Variants in ITIH1 observed in about 807,000 individuals in gnomAD.
ITIH1 encodes the protein inter-alpha-trypsin inhibitor heavy chain H1.
Under a neutral mutation model 104.6 loss-of-function variants are expected in ITIH1, and 94 were observed. The observed-to-expected ratio is 0.90, with a 90% CI of 0.76 to 1.07. ITIH1 has a LOEUF of 1.07. Ranked by LOEUF, ITIH1 falls within the 50% of genes least tolerant of loss-of-function variation. The pLI, the probability that ITIH1 is intolerant of heterozygous loss-of-function variation, is 0.00. For synonymous variants in ITIH1, 455 were observed against 464.4 expected, an observed-to-expected ratio of 0.98 and a Z score of 0.26; for missense variants, 1,193 against 1,181.4, an observed-to-expected ratio of 1.01 and a Z score of -0.14.
At chr3:52,786,156 C>A in intron 12 of ITIH1, 139 bp from the exon 13 acceptor site, 1 of 830,686 alleles carries the variant, frequency 1.2e-6, no homozygotes, top group Non-Finnish European at 1.9e-6. Context: ...TAGGATGAGG[C>A]GAACAGGCTC....
chr3:52,791,727 G>A, intron 21 of ITIH1, 55 bp from the exon 22 acceptor site: 1 of 1,606,148 alleles, frequency 6.2e-7, no homozygotes. Context: ...GCTTCCTGGG[G>A]AGGTGCTGCC....
Position 52,786,443 on chromosome 3 carries a change from C to T in ITIH1, c.1733+9C>T, listed in dbSNP as rs1234767372. 1 of 1,569,784 alleles carries T rather than the reference C, an allele frequency of 6.4e-7. No individual in the cohort carries two copies. The highest frequency in any genetic ancestry group is 1.8e-5 in the Admixed American group (1 of 54,136). ...GAGCTGCTGGCCAAGCGGTAGGGCA[C>T]CTGCAGCTGCCCCAGGTGGGCACTG... On this transcript the variant is annotated intron_variant, in intron 13 of 21. Transcript: ENST00000273283.
In ITIH1 at chr3:52,782,878, T is replaced by C. The variant is rs1699099341; in HGVS notation, c.931-79T>C. On this transcript the variant is annotated intron_variant, in intron 8 of 21. Transcript: ENST00000273283. ...TTGTCCACCCTGTGGATCTCTGAAATGGGTATTTGGAGTTGGAAGGTGCTG... is the reference window on the plus strand; with the variant it reads ...TTGTCCACCCTGTGGATCTCTGAAACGGGTATTTGGAGTTGGAAGGTGCTG... 4 of 1,366,008 alleles carry C rather than the reference T, an allele frequency of 2.9e-6. No individual in the cohort carries two copies. The South Asian group carries it at 5.1e-5, about 17-fold the overall frequency. The allele number at this position is 1,366,008 out of a possible 1,614,324, so 84.6% of individuals were successfully genotyped here.
intron 3 of ITIH1, 171 bp from the exon 4 acceptor site, chr3:52,778,771 C>A: frequency 8.4e-7 from 1 of 1,190,906 alleles, no homozygotes; most frequent in Non-Finnish European, 1.2e-6. Context: ...TCTTGCTGGC[C>A]TCTGACCTGG....
Position 52,779,633 on chromosome 3 carries a change from C to G in ITIH1, c.573+39C>G. 4 of 1,608,678 alleles carry G rather than the reference C, an allele frequency of 2.5e-6. No homozygotes were observed. Among genetic ancestry groups the G allele is most frequent in the Non-Finnish European group, 2.6e-6 (3 of 1,175,284 alleles). ...CCCGGGGCAGGGGTCCTGCCCCTCT[C>G]TCCGTCACCATGGCTCCCAACACTG... On this transcript the variant is annotated intron_variant, in intron 5 of 21. Transcript: ENST00000273283. This position sits in a 1 kb window ranked among gnomAD's most constrained non-coding sequence, Gnocchi z 4.4.
At chr3:52,790,159 C>T (rs556451350) in intron 19 of ITIH1, 91 of 459,104 alleles carry the variant, frequency 2.0e-4, no homozygotes, top group African/African-American at 1.7e-3. Context: ...ACCTCTTCCC[C>T]TCAGCCCTCC....
rs1479439920 is a variant in ITIH1, at chr3:52,791,827, G to A, written c.2652G>A (p.Glu884=). The A allele has an allele frequency of 2.5e-6, 4 of 1,614,198 alleles. No homozygotes were observed. The highest frequency in any genetic ancestry group is 1.7e-5 in the Admixed American group (1 of 60,026). The change falls in exon 22 of 22, where the codon GAG becomes GAA. Residue 884 remains glutamate, a synonymous_variant. Coordinates refer to ENST00000273283, the MANE Select transcript of ITIH1 (RefSeq NM_002215.4). ...DYSKDPWHGA[E]VSCWFIHNNG... ...GCAAGGACCCGTGGCATGGGGCCGA[G>A]GTGTCCTGCTGGTTCATTCACAACA...
chr3:52,778,704 C>T lies in ITIH1; in HGVS notation c.305+198C>T, dbSNP rs1578727468. ...CTCCCATCTTGGAGGCAAACTGGGA[C>T]CCATCACAGCATGTTTCAGGCTAGA... On this transcript the variant is annotated intron_variant, in intron 3 of 21. Transcript: ENST00000273283. 3.5e-6 allele frequency: 5 copies of T among 1,424,150 alleles called. No individual in the cohort carries two copies. The East Asian group carries it at 7.5e-5, about 21-fold the overall frequency. 88.2% of individuals were successfully genotyped at this position (1,424,150 alleles called of 1,614,324 possible). A position where few individuals can be genotyped will look rare whatever the true frequency, so the allele number is the denominator to read the frequency against.
In ITIH1 at chr3:52,779,507, G is replaced by C. The variant is rs1012541673; in HGVS notation, c.486G>C (p.Leu162=). 6.2e-7 allele frequency: 1 copy of C among 1,614,106 alleles called. No individual in the cohort carries two copies. Among genetic ancestry groups the C allele is most frequent in the Non-Finnish European group, 8.5e-7 (1 of 1,180,038 alleles). Residue 162 remains leucine (L), a synonymous_variant, in exon 5 of 22, where the codon CTG becomes CTC. Coordinates refer to ENST00000273283, the MANE Select transcript of ITIH1 (RefSeq NM_002215.4). The surrounding 1 kb of genome is among the most constrained non-coding windows in gnomAD (Gnocchi z 4.4). Reference sequence around the variant, plus strand: ...CCCAGAGCAAGGTCACGTTTCAGCTGACTTATGAGGAAGTGCTGAAGAGAA... The same window carrying C: ...CCCAGAGCAAGGTCACGTTTCAGCTCACTTATGAGGAAGTGCTGAAGAGAA... ...VNPQSKVTFQ[L]TYEEVLKRNH... is the part of the protein sequence containing the mutation.
rs1001720501 is a variant in ITIH1, at chr3:52,782,164, A to G, written c.827A>G (p.His276Arg). The G allele has an allele frequency of 3.1e-6, 5 of 1,614,026 alleles. No homozygotes were observed. The Admixed American group carries it at 6.7e-5, about 22-fold the overall frequency. Residue 276 changes from histidine to arginine, a missense_variant, in exon 8 of 22, where the codon CAC becomes CGC. Coordinates refer to ENST00000273283, the MANE Select transcript of ITIH1 (RefSeq NM_002215.4). ...KICDLLVANN[H>R]FAHFFAPQNL... ...CCTCTATTTCAGGTGGCCAATAACC[A>G]CTTTGCCCACTTCTTTGCCCCCCAA...
chr3:52,785,208 G>C lies in ITIH1; in HGVS notation c.1572G>C (p.Lys524Asn), dbSNP rs909992968. Reference protein sequence around the residue: ...RIADNKQSSFKADVQAHGEGQ... With the variant: ...RIADNKQSSFNADVQAHGEGQ... ...CTGACAACAAACAGAGCAGCTTCAA[G>C]GCTGATGTGCAGGCCCATGGGGTAA... is the stretch of plus-strand genomic sequence containing the variant. The change falls in exon 12 of 22, where the codon AAG (lysine) becomes AAC (asparagine). Residue 524 changes from lysine to asparagine, a missense_variant. By Grantham distance (94) the Lys-to-Asn change is moderately conservative. Coordinates refer to ENST00000273283, the MANE Select transcript of ITIH1 (RefSeq NM_002215.4). The C allele has an allele frequency of 3.7e-6, 6 of 1,613,986 alleles. No individual in the cohort carries two copies. In the African/African-American group the frequency reaches 8.0e-5, roughly 22 times the overall value.
intron 16 of ITIH1, 48 bp from the exon 17 acceptor site, chr3:52,787,938 G>A (rs1454329334): frequency 6.5e-7 from 1 of 1,548,546 alleles, no homozygotes; most frequent in Admixed American, 1.7e-5. Flanking sequence ...GCAGCTCCAG[G>A]GAAGGCCTGG....
At chr3:52,790,092 C>T in intron 19 of ITIH1, 1 of 561,808 alleles carries the variant, frequency 1.8e-6, no homozygotes, top group East Asian at 3.0e-5. Context: ...CTCTGAATGC[C>T]ACCCCTGTCT....
chr3:52,787,684 C>A, intron 16 of ITIH1, 72 bp downstream of exon 16: 1 of 1,507,636 alleles, frequency 6.6e-7, no homozygotes, highest in East Asian at 2.3e-5. Context: ...CTTTCTTCCT[C>A]CGTTCTAGCT....
rs1371022956 is a variant in ITIH1, at chr3:52,781,202, TTTTTTTTTCTTC to T, written c.688-735_688-724del. Among the ~76,000 whole-genome samples the T allele has an allele frequency of 7.6e-5, 4 of 52,970 alleles. 1 individual carries two copies. Among genetic ancestry groups the T allele is most frequent in the African/African-American group, 3.5e-4 (4 of 11,310 alleles). 34.8% of individuals were successfully genotyped at this position (52,970 alleles called of 152,430 possible). ...CTCCTTCACCTCCTCCTCTTCTTTT[TTTTTTTTTCTTC>T]TTCTTCTTCTTCTTCTTCTTCTTCT... On this transcript the variant is annotated intron_variant, in intron 6 of 21. Transcript: ENST00000273283.
At position 52,789,689 on chromosome 3, in the gene ITIH1, C is replaced by T. The variant is rs1164168751; in HGVS notation, c.2156C>T (p.Ala719Val). The T allele has an allele frequency of 6.2e-7, 1 of 1,614,172 alleles. No homozygotes were observed. The highest frequency in any genetic ancestry group is 8.5e-7 in the Non-Finnish European group (1 of 1,180,034). ...SVNGQLIGNK[A>V]RSPGQHDGTY... ...AATGGACAGCTCATTGGCAACAAGGCCAGGAGCCCTGGGCAGCATGACGGC... is the reference window on the plus strand; with the variant it reads ...AATGGACAGCTCATTGGCAACAAGGTCAGGAGCCCTGGGCAGCATGACGGC... The change falls in exon 19 of 22, where the codon GCC becomes GTC. Residue 719 changes from alanine (A) to valine (V), a missense_variant. Transcript: ENST00000273283.
chr3:52,785,039 T>C lies in ITIH1; in HGVS notation c.1408-5T>C, dbSNP rs1250631430. ...GCTCTAAGGCTGCAACCTCTATCCC[T>C]GCAGGGTTTCTACAGCCAGGTAGCC... On this transcript the variant is annotated splice_polypyrimidine_tract_variant and splice_region_variant and intron_variant, in intron 11 of 21. Transcript: ENST00000273283. The C allele has an allele frequency of 6.2e-7, 1 of 1,613,830 alleles. No individual in the cohort carries two copies. Among genetic ancestry groups the C allele is most frequent in the African/African-American group, 1.3e-5 (1 of 75,024 alleles).
Position 52,787,006 on chromosome 3 carries a change from G to A in ITIH1, c.1795G>A (p.Asp599Asn), listed in dbSNP as rs749728147. Residue 599 changes from aspartate to asparagine, a missense_variant, in exon 14 of 22, where the codon GAC (aspartate) becomes AAC (asparagine). Physicochemically the swap from Asp to Asn is conservative, Grantham distance 23. Coordinates refer to ENST00000273283, the MANE Select transcript of ITIH1 (RefSeq NM_002215.4). ...LSSQALQMSL[D>N]YGFVTPLTSM... is the part of the protein sequence containing the mutation. ...ATCCCAGGCCCTGCAGATGTCGCTG[G>A]ACTATGGGTTTGTGACCCCACTGAC... is the stretch of plus-strand genomic sequence containing the variant. The A allele has an allele frequency of 1.1e-5, 18 of 1,614,158 alleles. No individual in the cohort carries two copies. Among genetic ancestry groups the A allele is most frequent in the Non-Finnish European group, 1.4e-5 (17 of 1,180,014 alleles).
chr3:52,784,494 C>T lies in ITIH1; in HGVS notation c.1407+17C>T. 6.2e-7 allele frequency: 1 copy of T among 1,611,068 alleles called. No individual in the cohort carries two copies. The highest frequency in any genetic ancestry group is 8.5e-7 in the Non-Finnish European group (1 of 1,178,202). On this transcript the variant is annotated intron_variant, in intron 11 of 21. Coordinates refer to ENST00000273283, the MANE Select transcript of ITIH1 (RefSeq NM_002215.4). ...CAGCTGCAGGTCTCCCCTCACAACCCCCTGTACCTCCAATGGCATGCCATA... is the reference window on the plus strand; with the variant it reads ...CAGCTGCAGGTCTCCCCTCACAACCTCCTGTACCTCCAATGGCATGCCATA...
Sources: gnomAD v4.1 joint callset for allele counts (sites outside exome capture counted in the v4.1 genomes callset) on GRCh38, gnomAD v4.1.1 for gene constraint, Gnocchi (gnomAD v3.1) non-coding constraint, MANE v1.5 for transcripts, NCBI Gene and HGNC (gene_info 2026-07-23, HGNC 2026-07-21) for gene names.